HSD17B12: variants seen among roughly 807,000 people sequenced by gnomAD.
The protein encoded by HSD17B12 is very-long-chain 3-oxoacyl-CoA reductase.
HSD17B12 carries 32 observed loss-of-function variants against 39.3 expected under a neutral mutation model. The ratio of observed to expected loss-of-function variants is 0.81; its 90% confidence interval spans 0.61 to 1.09. The LOEUF (loss-of-function observed/expected upper bound fraction) is 1.09. Among genes scored for constraint, HSD17B12 ranks in the 50% least tolerant of loss-of-function variants. The pLI is 0.00. For missense variants in HSD17B12, 342 were observed against 382.9 expected, an observed-to-expected ratio of 0.89 and a Z score of 0.89; for synonymous variants, 150 against 146.7, an observed-to-expected ratio of 1.02 and a Z score of -0.16.
chr11:43,716,780 C>T (rs1950127583), intron 1 of HSD17B12, among the ~76,000 whole-genome samples: 2 of 148,674 alleles, frequency 1.3e-5, no homozygotes, highest in African/African-American at 4.9e-5. Flanking sequence ...GCATAGGATG[C>T]AGTGGAAGAA....
chr11:43,587,229 G>T, the HSD17B12 span, among the ~76,000 whole-genome samples: 1 of 151,910 alleles, frequency 6.6e-6, no homozygotes, highest in Admixed American at 6.6e-5. Context: ...TATGTATCAG[G>T]CCTTATTCTA....
intron 1 of HSD17B12, among the ~76,000 whole-genome samples, chr11:43,742,314 T>G (rs1448577561): frequency 2.7e-5 from 4 of 149,134 alleles, no homozygotes; most frequent in East Asian, 2.0e-4. Flanking sequence ...TTTTCTTGAG[T>G]TTTTTTTTGT....
chr11:43,650,991 G>C, the HSD17B12 span, among the ~76,000 whole-genome samples: 7,948 of 152,212 alleles, frequency 0.052, 663 homozygotes, highest in African/African-American at 0.17. Context: ...TTTCAGACAC[G>C]CACTGAGGGT....
intron 4 of HSD17B12, among the ~76,000 whole-genome samples, chr11:43,812,594 A>T (rs562255797): frequency 6.6e-6 from 1 of 152,152 alleles, no homozygotes; most frequent in Admixed American, 6.5e-5. Flanking sequence ...CAGTTGTTTG[A>T]GTTCTTTGTA....
At chr11:43,613,459 G>A in the HSD17B12 span, among the ~76,000 whole-genome samples, 5 of 151,682 alleles carry the variant, frequency 3.3e-5, no homozygotes, top group Admixed American at 6.6e-5. Context: ...AAAAAACCAT[G>A]AGTTATATCT....
intron 4 of HSD17B12, among the ~76,000 whole-genome samples, chr11:43,814,257 G>C (rs575268019): frequency 1.3e-3 from 203 of 152,024 alleles, no homozygotes; most frequent in African/African-American, 4.7e-3. Context: ...AATTTCACGA[G>C]TTTGAATCCC....
At chr11:43,625,927 A>G in the HSD17B12 span, among the ~76,000 whole-genome samples, 1 of 146,968 alleles carries the variant, frequency 6.8e-6, no homozygotes, top group Non-Finnish European at 1.5e-5. Context: ...TAATAATAAA[A>G]CTACTGTAAA....
chr11:43,830,857 T>A, intron 6 of HSD17B12, 119 bp from the exon 7 acceptor site: 1 of 763,606 alleles, frequency 1.3e-6, no homozygotes, highest in Middle Eastern at 3.3e-4. Context: ...ACCTGCTGTC[T>A]GTAGAAGTGG....
intron 9 of HSD17B12, among the ~76,000 whole-genome samples, chr11:43,850,926 T>C (rs527505735): frequency 1.4e-4 from 22 of 152,170 alleles, no homozygotes; most frequent in African/African-American, 5.3e-4. Flanking sequence ...CCGGGCGTGG[T>C]GGCAGGCGCC....
intron 7 of HSD17B12, among the ~76,000 whole-genome samples, chr11:43,834,398 C>T (rs1342479923): frequency 6.7e-6 from 1 of 150,222 alleles, no homozygotes; most frequent in Non-Finnish European, 1.5e-5. Flanking sequence ...TCTTCCTTGG[C>T]TACAATCAAA....
At chr11:43,573,153 A>C in the HSD17B12 span, among the ~76,000 whole-genome samples, 1 of 152,216 alleles carries the variant, frequency 6.6e-6, no homozygotes, top group Non-Finnish European at 1.5e-5. Context: ...GCAATGCAGA[A>C]GGCGGTTTTC....
the HSD17B12 span, among the ~76,000 whole-genome samples, chr11:43,625,614 A>C: frequency 4.6e-5 from 7 of 151,522 alleles, no homozygotes; most frequent in African/African-American, 1.7e-4. Flanking sequence ...TAAAAGAAAC[A>C]ACCAAATTAT....
the HSD17B12 span, among the ~76,000 whole-genome samples, chr11:43,623,521 T>G: frequency 6.6e-6 from 1 of 152,090 alleles, no homozygotes; most frequent in East Asian, 1.9e-4. Context: ...AAATCTTATG[T>G]TTAACAGATT....
intron 1 of HSD17B12, among the ~76,000 whole-genome samples, chr11:43,686,595 GTT>G (rs368909117): frequency 4.9e-4 from 65 of 131,996 alleles, no homozygotes; most frequent in East Asian, 3.5e-3. Flanking sequence ...CTCCCACCCT[GTT>G]TTTTTTTTTT....
At chr11:43,608,814 C>T in the HSD17B12 span, among the ~76,000 whole-genome samples, 1 of 152,128 alleles carries the variant, frequency 6.6e-6, no homozygotes, top group African/African-American at 2.4e-5. Flanking sequence ...AAACTTATTC[C>T]AAGTAGTGAA....
At chr11:43,613,011 C>T in the HSD17B12 span, among the ~76,000 whole-genome samples, 1 of 152,074 alleles carries the variant, frequency 6.6e-6, no homozygotes, top group South Asian at 2.1e-4. Context: ...CAGAAAAGTA[C>T]CCAGGAACCA....
chr11:43,639,349 T>C, the HSD17B12 span, among the ~76,000 whole-genome samples: 1 of 152,174 alleles, frequency 6.6e-6, no homozygotes, highest in East Asian at 1.9e-4. Context: ...AATACTATCT[T>C]AGTTTAGGTC....
At chr11:43,603,046 A>G in the HSD17B12 span, among the ~76,000 whole-genome samples, 2 of 152,194 alleles carry the variant, frequency 1.3e-5, no homozygotes, top group African/African-American at 4.8e-5. Context: ...TCCATTTTCC[A>G]GCTCCAACAC....
the HSD17B12 span, among the ~76,000 whole-genome samples, chr11:43,616,202 G>C: frequency 3.3e-5 from 5 of 152,112 alleles, no homozygotes; most frequent in Non-Finnish European, 7.4e-5. Flanking sequence ...GAACTCAGGA[G>C]TTCAAGACCA....
Sources: allele counts gnomAD v4.1 joint callset (sites outside exome capture counted in the v4.1 genomes callset), GRCh38; gene constraint gnomAD v4.1.1; transcripts MANE v1.5; gene names NCBI Gene and HGNC (gene_info 2026-07-23, HGNC 2026-07-21).